The following FANCL variants were observed in gnomAD, a reference collection of about 807,000 sequenced individuals.
FANCL encodes the protein E3 ubiquitin-protein ligase FANCL.
In FANCL, 69 loss-of-function variants were observed where a neutral mutation model predicts 59.4. The observed-to-expected ratio is 1.16, with a 90% CI of 0.96 to 1.42. The LOEUF (loss-of-function observed/expected upper bound fraction) is 1.42. Ranked by LOEUF, FANCL falls within the 40% of genes most tolerant of loss-of-function variation. The probability of loss-of-function intolerance (pLI) is 0.00; values close to 1 mark genes in which losing one functional copy is unlikely to be tolerated. For synonymous variants in FANCL, 180 were observed against 147.1 expected (o/e 1.22, Z -1.62); for missense variants, 519 against 447.2 (o/e 1.16, Z -1.45).
chr2:58,207,503 G>C (rs907425125), intron 5 of FANCL, among the ~76,000 whole-genome samples: 2 of 152,188 alleles, frequency 1.3e-5, no homozygotes, highest in Non-Finnish European at 2.9e-5. Context: ...CTTGTGAAGA[G>C]AGGCACCAAC....
At chr2:58,187,359 GAAC>G (rs982518477) in intron 7 of FANCL, among the ~76,000 whole-genome samples, 1 of 139,558 alleles carries the variant, frequency 7.2e-6, no homozygotes, top group Non-Finnish European at 1.5e-5. Flanking sequence ...GGTGAGAACT[GAAC>G]AATGAGAACA....
chr2:58,238,485 G>T (rs1335271657), intron 1 of FANCL, among the ~76,000 whole-genome samples: 1 of 152,094 alleles, frequency 6.6e-6, no homozygotes, highest in Non-Finnish European at 1.5e-5. Flanking sequence ...ACATTAAAAG[G>T]ATAATAAGGG....
chr2:58,182,977 C>T (rs1056101059), intron 7 of FANCL, among the ~76,000 whole-genome samples: 3 of 151,676 alleles, frequency 2.0e-5, no homozygotes, highest in Non-Finnish European at 1.5e-5. Context: ...AGTGTTAATC[C>T]TCACAAGATC....
chr2:58,178,111 C>CA (rs1483657607), intron 7 of FANCL, among the ~76,000 whole-genome samples: 3 of 151,878 alleles, frequency 2.0e-5, no homozygotes, highest in Non-Finnish European at 4.4e-5. Flanking sequence ...GCCTACTAAC[C>CA]AAAAAAAGCC....
At position 58,220,394 on chromosome 2, in the gene FANCL, G is replaced by A. The variant is rs184838744; in HGVS notation, c.374+1548C>T. On this transcript the variant is annotated intron_variant, in intron 5 of 13. Transcript: ENST00000233741. ...TCAAATTTTAGTGGTTAAAACAAAA[G>A]GGAAAAAATTGATCTACACATAAGA... 6.1e-3 allele frequency among the ~76,000 whole-genome samples: 924 copies of A among 151,758 alleles called. 7 individuals carry two copies. Among genetic ancestry groups the A allele is most frequent in the African/African-American group, 0.021 (888 of 41,358 alleles).
chr2:58,231,184 A>G (rs114317045), intron 2 of FANCL, among the ~76,000 whole-genome samples: 2,300 of 152,208 alleles, frequency 0.015, 31 homozygotes, highest in Non-Finnish European at 0.023. Context: ...GTACGCCCCA[A>G]GGTCTTGTCA....
Position 58,165,751 on chromosome 2 carries a change from T to C in FANCL, c.664A>G (p.Ser222Gly), listed in dbSNP as rs2104816850. The C allele has an allele frequency of 6.2e-7, 1 of 1,614,140 alleles. No homozygotes were observed. Among genetic ancestry groups the C allele is most frequent in the South Asian group, 1.1e-5 (1 of 91,088 alleles). Reference sequence around the variant, plus strand: ...AATGCAATTCTGCGTGCTGTTGCACTCCGTGGAGGTTTTTCTGGCTCAAGT... The same window carrying C: ...AATGCAATTCTGCGTGCTGTTGCACCCCGTGGAGGTTTTTCTGGCTCAAGT... Reference protein sequence around the residue: ...WVLEPEKPPRSATARRIALGN... With the variant: ...WVLEPEKPPRGATARRIALGN... Residue 222 changes from serine (S) to glycine (G), a missense_variant, in exon 8 of 14, where the codon AGT becomes GGT. By Grantham distance (56) the Ser-to-Gly change is moderately conservative. Transcript: ENST00000233741.
At chr2:58,194,021 C>T (rs1265506632) in intron 7 of FANCL, among the ~76,000 whole-genome samples, 3 of 151,384 alleles carry the variant, frequency 2.0e-5, no homozygotes, top group African/African-American at 7.4e-5. Context: ...CCTTTAATTA[C>T]AAATTCTTCA....
At chr2:58,178,604 G>C (rs776383671) in intron 7 of FANCL, among the ~76,000 whole-genome samples, 2 of 152,082 alleles carry the variant, frequency 1.3e-5, no homozygotes. Flanking sequence ...AGCTATTTAT[G>C]ACAAACCCAC....
At chr2:58,198,552 T>C in intron 7 of FANCL, 42 bp downstream of exon 7, 1 of 1,541,280 alleles carries the variant, frequency 6.5e-7, no homozygotes, top group Non-Finnish European at 9.0e-7. Context: ...TACTTTTTAA[T>C]TACTTAAAAC....
At chr2:58,165,008 A>G (rs1018106651) in intron 8 of FANCL, among the ~76,000 whole-genome samples, 8 of 152,252 alleles carry the variant, frequency 5.3e-5, no homozygotes, top group South Asian at 2.1e-4. Context: ...CTTGAACAAC[A>G]TATCTATTTA....
intron 6 of FANCL, among the ~76,000 whole-genome samples, chr2:58,201,683 T>A (rs941921439): frequency 6.6e-6 from 1 of 152,002 alleles, no homozygotes; most frequent in African/African-American, 2.4e-5. Context: ...ACTGTAAGCA[T>A]TGCATAAAAA....
At chr2:58,165,970 T>G in intron 7 of FANCL, 96 bp from the exon 8 acceptor site, 1 of 1,274,718 alleles carries the variant, frequency 7.8e-7, no homozygotes, top group African/African-American at 1.5e-5. Flanking sequence ...AATTTTAAGC[T>G]GTTTCATTTT....
At chr2:58,231,557 T>A (rs537839887) in intron 2 of FANCL, among the ~76,000 whole-genome samples, 1 of 152,280 alleles carries the variant, frequency 6.6e-6, no homozygotes, top group African/African-American at 2.4e-5. Flanking sequence ...TCCATTCTTC[T>A]CCAGAAATAT....
chr2:58,182,374 T>C (rs759795718), intron 7 of FANCL, among the ~76,000 whole-genome samples: 16 of 151,876 alleles, frequency 1.1e-4, no homozygotes, highest in Non-Finnish European at 2.1e-4. Flanking sequence ...GAATGAAGAA[T>C]AGCCATGCTT....
At position 58,194,707 on chromosome 2, in the gene FANCL, G is replaced by A. The variant is rs926065660; in HGVS notation, c.540+3887C>T. On this transcript the variant is annotated intron_variant, in intron 7 of 13. Transcript: ENST00000233741. ...TGTGAGACACCTGCACTGGCTACTAGGCTTGTCATGACGCACAAAACCCTA... is the reference window on the plus strand; with the variant it reads ...TGTGAGACACCTGCACTGGCTACTAAGCTTGTCATGACGCACAAAACCCTA... Among the ~76,000 whole-genome samples the A allele has an allele frequency of 2.0e-5, 3 of 151,962 alleles. No individual in the cohort carries two copies. In the East Asian group the frequency reaches 5.8e-4, roughly 30 times the overall value.
chr2:58,173,267 G>C (rs1041958359), intron 7 of FANCL, among the ~76,000 whole-genome samples: 5 of 152,134 alleles, frequency 3.3e-5, no homozygotes, highest in Non-Finnish European at 5.9e-5. Flanking sequence ...CCAACATTCA[G>C]ATTAAAGAAA....
intron 6 of FANCL, among the ~76,000 whole-genome samples, chr2:58,202,825 C>T (rs1274333027): frequency 6.6e-6 from 1 of 151,852 alleles, no homozygotes; most frequent in East Asian, 1.9e-4. Context: ...CACAAATTTA[C>T]AGCAACATCT....
At position 58,165,837 on chromosome 2, in the gene FANCL, G is replaced by C; in HGVS notation, c.578C>G (p.Ala193Gly). 4 of 1,613,924 alleles carry C rather than the reference G, an allele frequency of 2.5e-6. No homozygotes were observed. Among genetic ancestry groups the C allele is most frequent in the Non-Finnish European group, 3.4e-6 (4 of 1,179,934 alleles). Residue 193 changes from alanine (A) to glycine (G), a missense_variant, in exon 8 of 14, where the codon GCA becomes GGA. Coordinates refer to ENST00000233741, the MANE Select transcript of FANCL (RefSeq NM_018062.4). ...LISIYSQFLA[A>G]IESLKAFWDV... Reference sequence around the variant, plus strand: ...CCAGAATGCCTTTAGTGATTCTATTGCTGCCAAAAACTGACTATAAATGCT... The same window carrying C: ...CCAGAATGCCTTTAGTGATTCTATTCCTGCCAAAAACTGACTATAAATGCT...
Sources: gnomAD v4.1 joint callset for allele counts (sites outside exome capture counted in the v4.1 genomes callset) on GRCh38, gnomAD v4.1.1 for gene constraint, MANE v1.5 for transcripts, NCBI Gene and HGNC (gene_info 2026-07-23, HGNC 2026-07-21) for gene names.